COL4A4: variants seen among roughly 807,000 people sequenced by gnomAD.
COL4A4 encodes the protein collagen type IV alpha 4 chain.
A neutral mutation model predicts 192.9 loss-of-function variants in COL4A4; 105 were observed. The observed-to-expected ratio is 0.54, with a 90% CI of 0.46 to 0.64. The LOEUF (loss-of-function observed/expected upper bound fraction) is 0.64, where lower values mean the gene tolerates loss of function less well. COL4A4 is among the 30% of genes least tolerant of loss of function. The pLI is 0.00. For synonymous variants in COL4A4, 762 were observed against 769.9 expected (o/e 0.99, Z 0.17); for missense variants, 1,967 against 2,169.3 (o/e 0.91, Z 1.85).
Position 227,004,110 on chromosome 2 carries a change from T to C in COL4A4, c.*3215A>G, listed in dbSNP as rs1487614828. On this transcript the variant is annotated 3_prime_UTR_variant, in exon 48 of 48. Transcript: ENST00000396625. ...TCAACTCTGTGCTAGGCATTAGGCA[T>C]ACAAAAACGAGTCAAGCATGGTCCC... 6.6e-6 allele frequency: 1 copy of C among 152,202 alleles called. No homozygotes were observed. The highest frequency in any genetic ancestry group is 1.5e-5 in the Non-Finnish European group (1 of 68,040). The allele number at this position is 152,202 out of a possible 1,614,324, so 9.4% of individuals were successfully genotyped here. A position where few individuals can be genotyped will look rare whatever the true frequency, so the allele number is the denominator to read the frequency against.
chr2:227,121,469 G>C (rs2061781071), intron 4 of COL4A4, among the ~76,000 whole-genome samples: 1 of 151,352 alleles, frequency 6.6e-6, no homozygotes, highest in Non-Finnish European at 1.5e-5. Flanking sequence ...GGAGGCTGAG[G>C]TGGAGAATCA....
intron 22 of COL4A4, among the ~76,000 whole-genome samples, chr2:227,084,347 T>G (rs2059474006): frequency 6.6e-6 from 1 of 152,174 alleles, no homozygotes; most frequent in Non-Finnish European, 1.5e-5. Context: ...AAAAGTGGAA[T>G]GCTTAATAAA....
intron 12 of COL4A4, among the ~76,000 whole-genome samples, chr2:227,107,529 T>G (rs1018435526): frequency 5.3e-5 from 8 of 152,202 alleles, no homozygotes; most frequent in Non-Finnish European, 8.8e-5. Flanking sequence ...TTTTGACTCC[T>G]GTGCCGTTCT....
chr2:227,133,547 T>C (rs551692029), intron 4 of COL4A4, among the ~76,000 whole-genome samples: 7 of 152,330 alleles, frequency 4.6e-5, no homozygotes, highest in Non-Finnish European at 8.8e-5. Context: ...CATTAAATGA[T>C]AGGCAGGGAT....
chr2:226,985,193 T>C, the COL4A4 span, among the ~76,000 whole-genome samples: 2 of 152,154 alleles, frequency 1.3e-5, no homozygotes, highest in African/African-American at 2.4e-5. Context: ...GCATGCACAA[T>C]AGCAGGAGGA....
intron 1 of COL4A4, among the ~76,000 whole-genome samples, chr2:227,149,823 T>C (rs775384862): frequency 6.6e-6 from 1 of 152,152 alleles, no homozygotes; most frequent in South Asian, 2.1e-4. Context: ...TCCTAACACC[T>C]GGGAGTTTCT....
chr2:227,038,983 C>CTA (rs1398624758), intron 37 of COL4A4, among the ~76,000 whole-genome samples: 2 of 152,170 alleles, frequency 1.3e-5, no homozygotes, highest in African/African-American at 4.8e-5. Context: ...AACAGTGTCA[C>CTA]TATATGGTGA....
intron 12 of COL4A4, among the ~76,000 whole-genome samples, chr2:227,105,232 T>A (rs10194185): frequency 0.56 from 76,163 of 137,060 alleles, 21,752 homozygotes; most frequent in Middle Eastern, 0.67. Flanking sequence ...TCTCTGTCAC[T>A]CAGGCTGGGG....
intron 23 of COL4A4, 91 bp downstream of exon 23, chr2:227,082,024 T>C: frequency 9.3e-7 from 1 of 1,080,976 alleles, no homozygotes; most frequent in South Asian, 1.2e-5. Context: ...TGTATAGAAT[T>C]GATCTATGGT....
intron 42 of COL4A4, among the ~76,000 whole-genome samples, chr2:227,026,919 T>C (rs1321547547): frequency 1.3e-5 from 2 of 152,216 alleles, no homozygotes; most frequent in African/African-American, 4.8e-5. Context: ...AAATCAGTCT[T>C]TGCCTCTTGC....
Position 227,060,247 on chromosome 2 carries a change from A to T in COL4A4, c.2057-4T>A. 6.2e-7 allele frequency: 1 copy of T among 1,600,248 alleles called. No individual in the cohort carries two copies. Among genetic ancestry groups the T allele is most frequent in the Non-Finnish European group, 8.6e-7 (1 of 1,168,164 alleles). On this transcript the variant is annotated splice_polypyrimidine_tract_variant and splice_region_variant and intron_variant, in intron 26 of 47. Coordinates refer to ENST00000396625, the MANE Select transcript of COL4A4 (RefSeq NM_000092.5). ...GGACCTGGAAATCCCTTCGGACCTA[A>T]ACAATAATAAAAACAAAACACAGAC... is the stretch of plus-strand genomic sequence containing the variant.
In COL4A4 at chr2:227,032,223, C is replaced by T. The variant is rs750501128; in HGVS notation, c.3631G>A (p.Glu1211Lys). The change falls in exon 39 of 48, where the codon GAG (glutamate) becomes AAG (lysine). Residue 1211 changes from glutamate to lysine, a missense_variant. Glu to Lys is a moderately conservative substitution (Grantham distance 56). Coordinates refer to ENST00000396625, the MANE Select transcript of COL4A4 (RefSeq NM_000092.5). Reference sequence around the variant, plus strand: ...CCTGGGCTCCCAGGGTCTCCTCTCTCCCCTTTTAGCCCAGGTATTCCCACT... The same window carrying T: ...CCTGGGCTCCCAGGGTCTCCTCTCTTCCCTTTTAGCCCAGGTATTCCCACT... ...GPVGIPGLKG[E>K]RGDPGSPGIS... 113 of 1,613,952 alleles carry T rather than the reference C, an allele frequency of 7.0e-5. No individual in the cohort carries two copies. Among genetic ancestry groups the T allele is most frequent in the Non-Finnish European group, 8.6e-5 (102 of 1,179,932 alleles).
In COL4A4 at chr2:227,140,090, A is replaced by G. The variant is rs1019390114; in HGVS notation, c.192+71T>C. 5 of 1,361,096 alleles carry G rather than the reference A, an allele frequency of 3.7e-6. 1 individual carries two copies. The highest frequency in any genetic ancestry group is 4.2e-6 in the Non-Finnish European group (4 of 950,892). The allele number at this position is 1,361,096 out of a possible 1,614,324, so 84.3% of individuals were successfully genotyped here. A position where few individuals can be genotyped will look rare whatever the true frequency, so the allele number is the denominator to read the frequency against. On this transcript the variant is annotated intron_variant, in intron 4 of 47. Transcript: ENST00000396625. ...TAAAATTTGCCAAGAATCTGGGATTACTTTATATTAAATATTCACAAGTTC... is the reference window on the plus strand; with the variant it reads ...TAAAATTTGCCAAGAATCTGGGATTGCTTTATATTAAATATTCACAAGTTC...
Position 227,007,114 on chromosome 2 carries a change from C to G in COL4A4, c.*211G>C. The G allele has an allele frequency of 1.5e-6, 1 of 682,600 alleles. No homozygotes were observed. Among genetic ancestry groups the G allele is most frequent in the Non-Finnish European group, 2.6e-6 (1 of 386,624 alleles). 42.3% of individuals were successfully genotyped at this position (682,600 alleles called of 1,614,324 possible). On this transcript the variant is annotated 3_prime_UTR_variant, in exon 48 of 48. Coordinates refer to ENST00000396625, the MANE Select transcript of COL4A4 (RefSeq NM_000092.5). ...TCAGTAAAATAAGAGTATCTAGGCT[C>G]CCTAGATTGGGAGGTCCAAACAAAT...
chr2:226,987,036 A>G, the COL4A4 span, among the ~76,000 whole-genome samples: 2 of 152,202 alleles, frequency 1.3e-5, no homozygotes, highest in Non-Finnish European at 2.9e-5. Flanking sequence ...AGGGACATGG[A>G]TGAAGCTGGA....
At chr2:227,080,943 C>T (rs948848862) in intron 23 of COL4A4, among the ~76,000 whole-genome samples, 9 of 152,178 alleles carry the variant, frequency 5.9e-5, no homozygotes, top group Admixed American at 2.0e-4. Flanking sequence ...GCTGACAAAG[C>T]AGGGCTCTCT....
chr2:227,051,784 G>C (rs1011703095), intron 32 of COL4A4, among the ~76,000 whole-genome samples: 1 of 152,138 alleles, frequency 6.6e-6, no homozygotes, highest in African/African-American at 2.4e-5. Context: ...TATAGCTCAG[G>C]TTGATCCCAG....
At chr2:227,117,030 T>C (rs762770549) in intron 7 of COL4A4, among the ~76,000 whole-genome samples, 3 of 152,234 alleles carry the variant, frequency 2.0e-5, no homozygotes, top group Admixed American at 6.5e-5. Context: ...CATTTCCTTA[T>C]ATAACTGGCA....
the COL4A4 span, among the ~76,000 whole-genome samples, chr2:226,970,068 C>A: frequency 6.8e-6 from 1 of 147,718 alleles, no homozygotes; most frequent in Non-Finnish European, 1.5e-5. Flanking sequence ...CCTCTCCCCC[C>A]GCATTCCTTA....
Sources: gnomAD v4.1 joint callset for allele counts (sites outside exome capture counted in the v4.1 genomes callset) on GRCh38, gnomAD v4.1.1 for gene constraint, MANE v1.5 for transcripts, NCBI Gene and HGNC (gene_info 2026-07-23, HGNC 2026-07-21) for gene names.